The following CTCF variants were observed in gnomAD, a reference collection of about 807,000 sequenced individuals.
CTCF encodes CCCTC-binding factor, also known as transcriptional repressor CTCF.
Under a neutral mutation model 72.3 loss-of-function variants are expected in CTCF, and 7 were observed. That is an observed-to-expected ratio of 0.10 (90% CI 0.06 to 0.18). The LOEUF (loss-of-function observed/expected upper bound fraction) is 0.18. CTCF is among the 10% of genes least tolerant of loss of function. The pLI is 1.00. For missense variants in CTCF, 516 were observed against 949.1 expected, an observed-to-expected ratio of 0.54 and a Z score of 6.00; for synonymous variants, 374 against 315.8, an observed-to-expected ratio of 1.18 and a Z score of -1.95.
intron 4 of CTCF, chr16:67,615,008 G>A (rs1464205544): frequency 1.3e-5 from 2 of 152,226 alleles, no homozygotes; most frequent in East Asian, 1.9e-4. Context: ...CAGGTGTGGT[G>A]GCATGTACCT....
At position 67,638,345 on chromosome 16, in the gene CTCF, T is replaced by C. The variant is rs889452666; in HGVS notation, c.*473T>C. On this transcript the variant is annotated 3_prime_UTR_variant, in exon 12 of 12. Transcript: ENST00000264010. Reference sequence around the variant, plus strand: ...TTGCTTGGAGTCAGCTGCACACCAGTAGTATGGCATGCTACGATCAGGTTC... The same window carrying C: ...TTGCTTGGAGTCAGCTGCACACCAGCAGTATGGCATGCTACGATCAGGTTC... The C allele has an allele frequency of 8.8e-6, 2 of 226,748 alleles. No homozygotes were observed. The highest frequency in any genetic ancestry group is 1.8e-5 in the Non-Finnish European group (2 of 114,238). 14.0% of individuals were successfully genotyped at this position (226,748 alleles called of 1,614,324 possible).
intron 2 of CTCF, among the ~76,000 whole-genome samples, chr16:67,582,956 C>T (rs114715403): frequency 8.8e-4 from 133 of 151,166 alleles, no homozygotes; most frequent in African/African-American, 3.2e-3. Flanking sequence ...GAACTTAAAT[C>T]TCCAATTTCT....
chr16:67,636,649 C>T (rs776168672), intron 10 of CTCF, 41 bp from the exon 11 acceptor site: 33 of 1,516,936 alleles, frequency 2.2e-5, no homozygotes, highest in Non-Finnish European at 2.9e-5. Flanking sequence ...CACCACCCTT[C>T]TCCTTGCCCC....
At chr16:67,619,004 T>G in intron 5 of CTCF, among the ~76,000 whole-genome samples, 1 of 152,336 alleles carries the variant, frequency 6.6e-6, no homozygotes, top group Middle Eastern at 3.4e-3. Context: ...GCAGTAGGAA[T>G]AGATAGCTCA....
At chr16:67,573,611 A>G (rs2051455101) in intron 2 of CTCF, among the ~76,000 whole-genome samples, 1 of 152,196 alleles carries the variant, frequency 6.6e-6, no homozygotes, top group Non-Finnish European at 1.5e-5. Context: ...GAGAAGCAAT[A>G]CATTTGAGCT....
intron 2 of CTCF, among the ~76,000 whole-genome samples, chr16:67,580,343 A>G (rs2051562323): frequency 6.6e-6 from 1 of 151,888 alleles, no homozygotes; most frequent in Admixed American, 6.6e-5. Context: ...CTGAGTAGCT[A>G]GGAGTGTAGG....
chr16:67,614,960 C>G (rs2052112648), intron 4 of CTCF: 1 of 151,374 alleles, frequency 6.6e-6, no homozygotes, highest in African/African-American at 2.4e-5. Flanking sequence ...CATGGTGAAA[C>G]CCCGTCTCTA....
intron 2 of CTCF, among the ~76,000 whole-genome samples, chr16:67,581,381 G>A (rs899169625): frequency 3.3e-5 from 5 of 150,998 alleles, no homozygotes; most frequent in Non-Finnish European, 7.4e-5. Flanking sequence ...GGAGTGCAGT[G>A]GCATGATCTA....
intron 10 of CTCF, among the ~76,000 whole-genome samples, chr16:67,633,587 T>G (rs1448782565): frequency 6.6e-6 from 1 of 152,036 alleles, no homozygotes; most frequent in Non-Finnish European, 1.5e-5. Context: ...GCTACTTACC[T>G]TAGTAAATAG....
chr16:67,600,667 AC>A (rs2051874463), intron 2 of CTCF, among the ~76,000 whole-genome samples: 1 of 152,146 alleles, frequency 6.6e-6, no homozygotes, highest in African/African-American at 2.4e-5. Flanking sequence ...GAGCCATCAC[AC>A]CTAGTCATAA....
chr16:67,619,615 C>G (rs563971679), intron 5 of CTCF, among the ~76,000 whole-genome samples: 22 of 152,264 alleles, frequency 1.4e-4, no homozygotes, highest in African/African-American at 5.3e-4. Context: ...GTCTCTCACT[C>G]TGTCGCCCAG....
intron 2 of CTCF, among the ~76,000 whole-genome samples, chr16:67,599,344 G>A (rs576397987): frequency 3.9e-5 from 6 of 152,294 alleles, no homozygotes; most frequent in Middle Eastern, 3.4e-3. Flanking sequence ...GCAGTGAGCC[G>A]AGGTCGTGCC....
intron 2 of CTCF, among the ~76,000 whole-genome samples, chr16:67,577,431 ACTT>A (rs2051512828): frequency 6.9e-6 from 1 of 144,984 alleles, no homozygotes; most frequent in Non-Finnish European, 1.5e-5. Flanking sequence ...TAATGTCTAG[ACTT>A]CTTTTTTTTT....
At chr16:67,579,985 T>G (rs1442390394) in intron 2 of CTCF, among the ~76,000 whole-genome samples, 1 of 151,558 alleles carries the variant, frequency 6.6e-6, no homozygotes, top group Non-Finnish European at 1.5e-5. Context: ...ACTTTAAGAG[T>G]TTTCAGCATG....
At position 67,611,540 on chromosome 16, in the gene CTCF, G is replaced by C. The variant is rs754299452; in HGVS notation, c.708G>C (p.Leu236=). ...TTGAGGAAGAACAGCAGGAGGGTCT[G>C]CTATCAGAGGTTAATGCAGAGAAAG... The part of the protein sequence containing the change: ...YDFEEEQQEG[L]LSEVNAEKVV... Residue 236 remains leucine (L), a synonymous_variant, in exon 3 of 12, where the codon CTG becomes CTC. Transcript: ENST00000264010. 3 of 1,614,226 alleles carry C rather than the reference G, an allele frequency of 1.9e-6. No homozygotes were observed. The Admixed American group carries it at 5.0e-5, about 27-fold the overall frequency.
intron 8 of CTCF, chr16:67,627,497 A>G (rs2052305754): frequency 6.6e-6 from 1 of 150,972 alleles, no homozygotes; most frequent in Admixed American, 6.6e-5. Context: ...TCTCCAAAAG[A>G]AAAAGAAAAA....
intron 2 of CTCF, among the ~76,000 whole-genome samples, chr16:67,594,974 T>C (rs750958574): frequency 2.6e-5 from 4 of 152,160 alleles, no homozygotes; most frequent in African/African-American, 9.7e-5. Flanking sequence ...GATACTGATA[T>C]AGAAGATGCC....
intron 10 of CTCF, among the ~76,000 whole-genome samples, chr16:67,631,181 T>TTTTTTTTTTC (rs2052360407): frequency 6.6e-6 from 1 of 150,430 alleles, no homozygotes. Flanking sequence ...TGTTTTTTTT[T>TTTTTTTTTTC]TGAGACAGTG....
chr16:67,615,724 TTTAC>T (rs1335597167), intron 4 of CTCF: 2 of 152,224 alleles, frequency 1.3e-5, no homozygotes, highest in Non-Finnish European at 2.9e-5. Context: ...AACTCTGTGC[TTTAC>T]CGTTAGATCC....
Sources: gnomAD v4.1 joint callset for allele counts (sites outside exome capture counted in the v4.1 genomes callset) on GRCh38, gnomAD v4.1.1 for gene constraint, MANE v1.5 for transcripts, NCBI Gene and HGNC (gene_info 2026-07-23, HGNC 2026-07-21) for gene names.